PTPN13: variants seen among roughly 807,000 people sequenced by gnomAD.
PTPN13 encodes protein tyrosine phosphatase non-receptor type 13.
Under a neutral mutation model 284.0 loss-of-function variants are expected in PTPN13, and 191 were observed. The ratio of observed to expected loss-of-function variants is 0.67; its 90% CI spans 0.60 to 0.76. PTPN13 has a LOEUF of 0.76. PTPN13 is among the 30% of genes least tolerant of loss of function. The pLI is 0.00. For synonymous variants in PTPN13, 986 were observed against 1,022.3 expected (o/e 0.96, Z 0.68); for missense variants, 2,797 against 2,939.9 (o/e 0.95, Z 1.12).
chr4:86,659,908 A>G (rs968276937), intron 2 of PTPN13, among the ~76,000 whole-genome samples: 9 of 152,162 alleles, frequency 5.9e-5, no homozygotes, highest in Admixed American at 1.3e-4. Flanking sequence ...GAATGTACAG[A>G]TAGAATTTGA....
At chr4:86,779,286 G>A (rs560014409) in intron 35 of PTPN13, among the ~76,000 whole-genome samples, 2 of 151,966 alleles carry the variant, frequency 1.3e-5, no homozygotes, top group South Asian at 2.1e-4. Context: ...GCGTGGTGGC[G>A]GGCGCCTGTA....
At chr4:86,654,278 A>G (rs1374806333) in intron 2 of PTPN13, among the ~76,000 whole-genome samples, 3 of 152,194 alleles carry the variant, frequency 2.0e-5, no homozygotes, top group African/African-American at 7.2e-5. Context: ...GACCGCTAGC[A>G]AGACTAATAA....
At position 86,780,453 on chromosome 4, in the gene PTPN13, A is replaced by G. The variant is rs763234889; in HGVS notation, c.5943A>G (p.Pro1981=). 15 of 1,606,046 alleles carry G rather than the reference A, an allele frequency of 9.3e-6. 1 individual carries two copies. The highest frequency in any genetic ancestry group is 1.6e-4 in the Middle Eastern group (1 of 6,072). ...CAAAGAGGTCTGCTGTTTCAGCTCCAAAGTCAACCAAAGGCAATGGTAAGG... is the reference window on the plus strand; with the variant it reads ...CAAAGAGGTCTGCTGTTTCAGCTCCGAAGTCAACCAAAGGCAATGGTAAGG... ...PSSKRSAVSA[P]KSTKGNGSYS... The change falls in exon 36 of 48, where the codon CCA becomes CCG. Residue 1981 remains proline (P), a synonymous_variant. Transcript: ENST00000411767.
chr4:86,707,636 A>G (rs1731914962), intron 7 of PTPN13, among the ~76,000 whole-genome samples: 1 of 151,798 alleles, frequency 6.6e-6, no homozygotes, highest in African/African-American at 2.4e-5. Context: ...TTATGGAGAT[A>G]TATATATTTT....
intron 1 of PTPN13, among the ~76,000 whole-genome samples, chr4:86,613,495 G>T (rs147067388): frequency 6.6e-6 from 1 of 152,060 alleles, no homozygotes; most frequent in Non-Finnish European, 1.5e-5. Flanking sequence ...TTAGCCGGGC[G>T]TGGTGACGGG....
chr4:86,762,799 G>T lies in PTPN13; in HGVS notation c.3626G>T (p.Ser1209Ile), dbSNP rs1377866935. ...AAGAAATCTTCCTACATGCAAGACA[G>T]TGCTATAGATTCTTCTTCCAAGGAT... ...YMKKSSYMQD[S>I]AIDSSSKDHH... The change falls in exon 24 of 48, where the codon AGT (serine) becomes ATT (isoleucine). Residue 1209 changes from serine to isoleucine, a missense_variant. Transcript: ENST00000411767. 1 of 1,613,386 alleles carries T rather than the reference G, an allele frequency of 6.2e-7. No individual in the cohort carries two copies. The highest frequency in any genetic ancestry group is 8.5e-7 in the Non-Finnish European group (1 of 1,179,438).
At chr4:86,636,856 A>C (rs1181270434) in intron 2 of PTPN13, among the ~76,000 whole-genome samples, 24 of 152,084 alleles carry the variant, frequency 1.6e-4, no homozygotes, top group African/African-American at 5.8e-4. Flanking sequence ...ATAGAGACTA[A>C]AAAAAACCCT....
chr4:86,741,300 C>T (rs1210954659), intron 15 of PTPN13, among the ~76,000 whole-genome samples: 1 of 152,198 alleles, frequency 6.6e-6, no homozygotes, highest in East Asian at 1.9e-4. Flanking sequence ...CTTTAATGGA[C>T]TTACAGTTCC....
chr4:86,675,683 T>G (rs2148904854), intron 3 of PTPN13, among the ~76,000 whole-genome samples: 1 of 152,264 alleles, frequency 6.6e-6, no homozygotes. Flanking sequence ...ACCTTAAAAC[T>G]TTACTTTTCA....
At chr4:86,624,454 T>C (rs1310643404) in intron 1 of PTPN13, among the ~76,000 whole-genome samples, 1 of 152,150 alleles carries the variant, frequency 6.6e-6, no homozygotes, top group Non-Finnish European at 1.5e-5. Flanking sequence ...CTTTGCTTTG[T>C]TTAGTTTTCT....
chr4:86,760,638 G>A (rs1467693967), intron 23 of PTPN13, among the ~76,000 whole-genome samples: 1 of 152,112 alleles, frequency 6.6e-6, no homozygotes, highest in Non-Finnish European at 1.5e-5. Flanking sequence ...TTAACAAGAG[G>A]CCCAAGGTGC....
intron 41 of PTPN13, among the ~76,000 whole-genome samples, chr4:86,797,173 A>C (rs1278818810): frequency 6.6e-6 from 1 of 152,130 alleles, no homozygotes; most frequent in Admixed American, 6.5e-5. Context: ...AGCCTGGCCA[A>C]CATGGTGAAA....
At chr4:86,659,738 C>T (rs1254865761) in intron 2 of PTPN13, among the ~76,000 whole-genome samples, 2 of 151,944 alleles carry the variant, frequency 1.3e-5, no homozygotes, top group Non-Finnish European at 1.5e-5. Flanking sequence ...ATTACTTGAA[C>T]CTGGGAGGCA....
intron 35 of PTPN13, among the ~76,000 whole-genome samples, chr4:86,780,139 C>T (rs1016721513): frequency 6.6e-6 from 1 of 152,106 alleles, no homozygotes; most frequent in Non-Finnish European, 1.5e-5. Context: ...TGGCTCACAC[C>T]TGTAATCTCA....
At chr4:86,629,522 A>C (rs72665777) in intron 1 of PTPN13, among the ~76,000 whole-genome samples, 23,552 of 152,120 alleles carry the variant, frequency 0.15, 2,311 homozygotes, top group East Asian at 0.29. Flanking sequence ...ATTTTTTAAC[A>C]GTTCTTTCTT....
rs776316682 is a variant in PTPN13, at chr4:86,728,226, T to C, written c.1609-4174T>C. ...CTTTTACATTTGCTGAGTAGTGTTTTACTTCCAATTATGTGGTCAATTTTA... is the reference window on the plus strand; with the variant it reads ...CTTTTACATTTGCTGAGTAGTGTTTCACTTCCAATTATGTGGTCAATTTTA... On this transcript the variant is annotated intron_variant, in intron 10 of 47. Coordinates refer to ENST00000411767, the MANE Select transcript of PTPN13 (RefSeq NM_080683.3). 2.1e-4 allele frequency among the ~76,000 whole-genome samples: 31 copies of C among 149,766 alleles called. 3 individuals carry two copies. Among genetic ancestry groups the C allele is most frequent in the Non-Finnish European group, 3.6e-4 (24 of 66,710 alleles).
At chr4:86,677,612 C>A (rs544610418) in intron 3 of PTPN13, among the ~76,000 whole-genome samples, 2 of 150,362 alleles carry the variant, frequency 1.3e-5, no homozygotes, top group African/African-American at 2.4e-5. Flanking sequence ...TGTGCCCAGC[C>A]GGTAAATTTA....
intron 2 of PTPN13, among the ~76,000 whole-genome samples, chr4:86,647,554 A>T (rs1724584391): frequency 1.3e-5 from 2 of 151,936 alleles, no homozygotes; most frequent in Non-Finnish European, 2.9e-5. Context: ...AATTTTAAAA[A>T]TTTTAAAAAA....
chr4:86,648,942 A>G (rs1460365016), intron 2 of PTPN13, among the ~76,000 whole-genome samples: 3 of 152,078 alleles, frequency 2.0e-5, no homozygotes, highest in African/African-American at 7.2e-5. Flanking sequence ...GTGAGATGAT[A>G]TTTCATTGTA....
Sources: gnomAD v4.1 joint callset for allele counts (sites outside exome capture counted in the v4.1 genomes callset) on GRCh38, gnomAD v4.1.1 for gene constraint, MANE v1.5 for transcripts, NCBI Gene and HGNC (gene_info 2026-07-23, HGNC 2026-07-21) for gene names.